SH3TC1: variants seen among roughly 807,000 people sequenced by gnomAD.
SH3TC1 encodes SH3 domain and tetratricopeptide repeats 1.
SH3TC1 carries 135 observed loss-of-function variants against 117.3 expected under a neutral mutation model. The observed-to-expected ratio is 1.15, with a 90% confidence interval of 1.00 to 1.33. The LOEUF (loss-of-function observed/expected upper bound fraction) is 1.33, where lower values mean the gene tolerates loss of function less well. SH3TC1 is among the 40% of genes most tolerant of loss of function. The pLI, the probability that SH3TC1 is intolerant of heterozygous loss-of-function variation, is 0.00. For synonymous variants in SH3TC1, 898 were observed against 816.9 expected, an observed-to-expected ratio of 1.10 and a Z score of -1.69; for missense variants, 2,092 against 1,794.3, an observed-to-expected ratio of 1.17 and a Z score of -3.00.
chr4:8,240,551 C>G (rs765351812), intron 17 of SH3TC1, 147 bp from the exon 18 acceptor site: 112 of 1,314,992 alleles, frequency 8.5e-5, no homozygotes, highest in Non-Finnish European at 1.1e-4. Flanking sequence ...CCTCCTGCAG[C>G]TGAGCCCACA....
chr4:8,184,830 G>A (rs1270000185), intron 1 of SH3TC1, among the ~76,000 whole-genome samples: 1 of 151,334 alleles, frequency 6.6e-6, no homozygotes, highest in Non-Finnish European at 1.5e-5. Flanking sequence ...TCAATCTCAC[G>A]AGATTGTCGT....
At chr4:8,193,882 T>C (rs181164967) in intron 1 of SH3TC1, among the ~76,000 whole-genome samples, 1 of 152,346 alleles carries the variant, frequency 6.6e-6, no homozygotes, top group Non-Finnish European at 1.5e-5. Flanking sequence ...CCCAAGATGA[T>C]TCACTGCAGA....
chr4:8,233,573 G>A lies in SH3TC1; in HGVS notation c.3282+60G>A, dbSNP rs115128591. ...ATGTTCACTCTCCATCCATCCATCC[G>A]TCCATTGATGATGATGATAGATGAT... On this transcript the variant is annotated intron_variant, in intron 14 of 17. Coordinates refer to ENST00000245105, the MANE Select transcript of SH3TC1 (RefSeq NM_018986.5). 3.4e-5 allele frequency: 50 copies of A among 1,485,480 alleles called. No individual in the cohort carries two copies. The African/African-American group carries it at 3.6e-4, about 11-fold the overall frequency. The allele number at this position is 1,485,480 out of a possible 1,614,324, so 92.0% of individuals were successfully genotyped here.
chr4:8,227,454 TG>T lies in SH3TC1; in HGVS notation c.1765del (p.Ala589ProfsTer11). On this transcript the variant is annotated frameshift_variant, in exon 12 of 18. Coordinates refer to ENST00000245105, the MANE Select transcript of SH3TC1 (RefSeq NM_018986.5). LOFTEE classifies it high-confidence loss of function. ...GCCCGGGTGTACTTTGAGGAAGCGC[TG>T]GGGGCCCTGGAGGGCAGCTTCGGGG... ...SQARVYFEEA[L>X]GALEGSFGDL... 6.4e-7 allele frequency: 1 copy of T among 1,563,236 alleles called. No individual in the cohort carries two copies. The highest frequency in any genetic ancestry group is 8.6e-7 in the Non-Finnish European group (1 of 1,159,052).
In SH3TC1 at chr4:8,210,039, C is replaced by A. The variant is rs1477552597; in HGVS notation, c.247+217C>A. Among the ~76,000 whole-genome samples the A allele has an allele frequency of 6.6e-6, 1 of 152,226 alleles. No individual in the cohort carries two copies. The highest frequency in any genetic ancestry group is 2.4e-5 in the African/African-American group (1 of 41,464). ...GCCCCTGGGGCTCCCCTAGGCATCC[C>A]TGTGTGCACCTGCACAAACGGCAGA... On this transcript the variant is annotated intron_variant, in intron 3 of 17. Coordinates refer to ENST00000245105, the MANE Select transcript of SH3TC1 (RefSeq NM_018986.5). The surrounding 1 kb of genome is among the most constrained non-coding windows in gnomAD (Gnocchi z 4.1).
chr4:8,234,252 C>T (rs1297621119), intron 14 of SH3TC1, among the ~76,000 whole-genome samples: 1 of 151,302 alleles, frequency 6.6e-6, no homozygotes, highest in Non-Finnish European at 1.5e-5. Context: ...TCCATCCATT[C>T]ACCTGTTTGT....
chr4:8,187,130 C>T (rs1717243546), intron 1 of SH3TC1, among the ~76,000 whole-genome samples: 1 of 152,132 alleles, frequency 6.6e-6, no homozygotes, highest in South Asian at 2.1e-4. Context: ...TCACTCGTAC[C>T]CTCTGCCACC....
At position 8,186,643 on chromosome 4, in the gene SH3TC1, C is replaced by G. The variant is rs958266238; in HGVS notation, c.-57+4433C>G. Among the ~76,000 whole-genome samples the G allele has an allele frequency of 6.6e-6, 1 of 152,104 alleles. No individual in the cohort carries two copies. The highest frequency in any genetic ancestry group is 1.5e-5 in the Non-Finnish European group (1 of 68,024). ...AAATAAAGTTTAGGTTAAAAAAACA[C>G]TTTTAAAAAGCCCCTTGAGGCTGGG... On this transcript the variant is annotated intron_variant, in intron 1 of 16. Transcript: ENST00000508641. The surrounding 1 kb of genome is among the most constrained non-coding windows in gnomAD (Gnocchi z 5.2).
intron 4 of SH3TC1, chr4:8,213,076 G>A (rs1197400782): frequency 5.8e-6 from 3 of 520,710 alleles, no homozygotes; most frequent in Non-Finnish European, 1.0e-5. Flanking sequence ...AGCAACAGGG[G>A]ACCTCGAGCT....
At chr4:8,237,050 G>C (rs1436876433) in intron 16 of SH3TC1, 2 of 173,586 alleles carry the variant, frequency 1.2e-5, no homozygotes, top group Non-Finnish European at 2.3e-5. Context: ...TCGCGCATCT[G>C]TGGGGGGACC....
intron 15 of SH3TC1, 93 bp from the exon 16 acceptor site, chr4:8,236,184 CG>C: frequency 1.4e-6 from 2 of 1,394,186 alleles, no homozygotes; most frequent in Non-Finnish European, 1.9e-6. Flanking sequence ...GTAGCTGGGG[CG>C]TGGGAAGCTC....
At position 8,235,531 on chromosome 4, in the gene SH3TC1, G is replaced by T. The variant is rs1383577794; in HGVS notation, c.3381G>T (p.Arg1127=). 2 of 1,604,606 alleles carry T rather than the reference G, an allele frequency of 1.2e-6. No homozygotes were observed. Among genetic ancestry groups the T allele is most frequent in the East Asian group, 4.5e-5 (2 of 44,576 alleles). The change falls in exon 15 of 18, where the codon CGG becomes CGT. Residue 1127 remains arginine (R), a synonymous_variant. Coordinates refer to ENST00000245105, the MANE Select transcript of SH3TC1 (RefSeq NM_018986.5). ...TCTTCTTCGACGGGGCCTGGGAGCGGGAGAAAGCTGTGTCCTTCTACCGGG... is the reference window on the plus strand; with the variant it reads ...TCTTCTTCGACGGGGCCTGGGAGCGTGAGAAAGCTGTGTCCTTCTACCGGG... ...GDIFFDGAWE[R]EKAVSFYRDR...
upstream of SH3TC1, among the ~76,000 whole-genome samples, chr4:8,196,696 A>C (rs1041440989): frequency 6.6e-6 from 1 of 152,120 alleles, no homozygotes; most frequent in Non-Finnish European, 1.5e-5. The surrounding 1 kb of genome is among the most constrained non-coding windows in gnomAD (Gnocchi z 4.6). Context: ...GGGGCTGGGC[A>C]GGAAGAAAGT....
intron 1 of SH3TC1, among the ~76,000 whole-genome samples, chr4:8,191,695 G>C (rs185986791): frequency 2.0e-5 from 3 of 152,140 alleles, no homozygotes; most frequent in African/African-American, 7.2e-5. Flanking sequence ...GTGCGCAGAG[G>C]AATCAACTCA....
At chr4:8,213,151 G>A (rs2152984059) in intron 4 of SH3TC1, 1 of 342,024 alleles carries the variant, frequency 2.9e-6, no homozygotes, top group East Asian at 6.0e-5. Flanking sequence ...GGGAGTTAAG[G>A]ACAAGTGTGA....
At chr4:8,182,167 G>A (rs1487585128) in exon 1 of SH3TC1, 1 of 152,598 alleles carries the variant, frequency 6.6e-6, no homozygotes, top group Non-Finnish European at 1.5e-5. Context: ...TGCAGCAGGT[G>A]GTGGGCCCGG....
Position 8,187,816 on chromosome 4 carries a change from C to T in SH3TC1, c.-57+5606C>T, listed in dbSNP as rs529545597. Among the ~76,000 whole-genome samples the T allele has an allele frequency of 1.3e-3, 205 of 152,296 alleles. 1 individual carries two copies. Among genetic ancestry groups the T allele is most frequent in the African/African-American group, 4.8e-3 (199 of 41,554 alleles). ...CCACTTGTCTCCGCCTCCCAAAGTG[C>T]TGGGATTACAGGCGTGAGCCACCGC... On this transcript the variant is annotated intron_variant, in intron 1 of 16. Transcript: ENST00000508641.
chr4:8,216,859 G>T (rs1303603399), intron 6 of SH3TC1, 98 bp from the exon 7 acceptor site: 9 of 1,257,006 alleles, frequency 7.2e-6, no homozygotes, highest in Non-Finnish European at 9.3e-6. Flanking sequence ...GCTCCTGTGG[G>T]TGTTGCCTTC....
At chr4:8,188,733 G>C (rs550277008) in intron 1 of SH3TC1, among the ~76,000 whole-genome samples, 6 of 152,330 alleles carry the variant, frequency 3.9e-5, no homozygotes, top group African/African-American at 1.4e-4. Flanking sequence ...AAAGTGGTGG[G>C]CCACGCCCCT....
Sources: allele counts gnomAD v4.1 joint callset (sites outside exome capture counted in the v4.1 genomes callset), GRCh38; gene constraint gnomAD v4.1.1; non-coding constraint Gnocchi (gnomAD v3.1); transcripts MANE v1.5; gene names NCBI Gene and HGNC (gene_info 2026-07-23, HGNC 2026-07-21).